CNOT1: variants seen among roughly 807,000 people sequenced by gnomAD.
CNOT1 encodes CCR4-associated factor 1.
In CNOT1, 15 loss-of-function variants were observed where a neutral mutation model predicts 273.8. That is an observed-to-expected ratio of 0.05 (90% CI 0.04 to 0.08). The LOEUF is 0.08. Among genes scored for constraint, CNOT1 ranks in the 10% least tolerant of loss-of-function variants. CNOT1 has a pLI of 1.00. For synonymous variants in CNOT1, 1,022 were observed against 1,005.5 expected (o/e 1.02, Z -0.31); for missense variants, 1,644 against 2,912.2 (o/e 0.56, Z 10.02).
In CNOT1 at chr16:58,558,468, C is replaced by A; in HGVS notation, c.2332+5G>T. ...AATCCATGCTCTCATTTGCCTCCCC[C>A]TTACCTGGAAGCTGTGATGAAAGTC... is the stretch of plus-strand genomic sequence containing the variant. On this transcript the variant is annotated splice_donor_5th_base_variant and intron_variant, in intron 18 of 48. Transcript: ENST00000317147. The A allele has an allele frequency of 6.2e-7, 1 of 1,613,830 alleles. No homozygotes were observed. Among genetic ancestry groups the A allele is most frequent in the Non-Finnish European group, 8.5e-7 (1 of 1,179,980 alleles).
chr16:58,568,521 T>G (rs577506438), intron 16 of CNOT1, among the ~76,000 whole-genome samples: 1 of 151,584 alleles, frequency 6.6e-6, no homozygotes, highest in South Asian at 2.1e-4. Context: ...CTGTCTCTAC[T>G]AAAAATACAA....
intron 29 of CNOT1, among the ~76,000 whole-genome samples, chr16:58,545,783 T>G (rs1597432412): frequency 6.6e-6 from 1 of 152,216 alleles, no homozygotes; most frequent in Non-Finnish European, 1.5e-5. Flanking sequence ...TTAGTCTATA[T>G]TATAAATGTA....
intron 16 of CNOT1, 23 bp downstream of exon 16, chr16:58,574,586 A>G (rs2041397825): frequency 6.5e-7 from 1 of 1,549,644 alleles, no homozygotes; most frequent in African/African-American, 1.4e-5. Flanking sequence ...AAAAAAAGTC[A>G]TATTCATGTA....
chr16:58,602,751 TA>T (rs1215853393), intron 1 of CNOT1, among the ~76,000 whole-genome samples: 3 of 151,300 alleles, frequency 2.0e-5, no homozygotes, highest in South Asian at 4.2e-4. Context: ...AATAAAATAA[TA>T]AAAAAAATTT....
At chr16:58,535,325 T>C (rs1240168501) in intron 39 of CNOT1, among the ~76,000 whole-genome samples, 1 of 152,220 alleles carries the variant, frequency 6.6e-6, no homozygotes, top group Non-Finnish European at 1.5e-5. Flanking sequence ...GCAAAGGGAC[T>C]TTTTGTCTAC....
At position 58,551,693 on chromosome 16, in the gene CNOT1, C is replaced by T; in HGVS notation, c.3097G>A (p.Ala1033Thr). The T allele has an allele frequency of 6.2e-7, 1 of 1,614,168 alleles. No individual in the cohort carries two copies. The highest frequency in any genetic ancestry group is 8.5e-7 in the Non-Finnish European group (1 of 1,180,024). The change falls in exon 23 of 49, where the codon GCT becomes ACT. Residue 1033 changes from alanine (A) to threonine (T), a missense_variant. Physicochemically the swap from Ala to Thr is moderately conservative, Grantham distance 58. Coordinates refer to ENST00000317147, the MANE Select transcript of CNOT1 (RefSeq NM_016284.5). ...GTTACCATAGTGCTAACTTGACCAG[C>T]AAGAGGAGCTTTTGCTGGAACCTGG... ...QAQVPAKAPLAGQVSTMVTTS... is the reference protein window; with the variant it reads ...QAQVPAKAPLTGQVSTMVTTS...
chr16:58,530,434 T>C, intron 42 of CNOT1, 87 bp from the exon 43 acceptor site: 3 of 841,422 alleles, frequency 3.6e-6, no homozygotes, highest in East Asian at 2.5e-5. Flanking sequence ...CACTGACTTA[T>C]CTTCTTCATG....
intron 1 of CNOT1, among the ~76,000 whole-genome samples, chr16:58,600,569 T>C (rs2042425228): frequency 6.6e-6 from 1 of 152,192 alleles, no homozygotes; most frequent in Non-Finnish European, 1.5e-5. Context: ...ATTCTTTATG[T>C]TACTGCTTCA....
At chr16:58,597,767 A>AT in intron 2 of CNOT1, 1 of 502,584 alleles carries the variant, frequency 2.0e-6, no homozygotes, top group South Asian at 1.5e-5. Context: ...GAAGGAGTCC[A>AT]GGGGCCCAAG....
rs28468502 is a variant in CNOT1 at position 58,526,301 on chromosome 16, G to C, written c.6454-163C>G. On this transcript the variant is annotated intron_variant, in intron 44 of 48. Coordinates refer to ENST00000317147, the MANE Select transcript of CNOT1 (RefSeq NM_016284.5). ...TTAATCAGTCTTTCTTTCTTTAGAA[G>C]AATCTTGGTTCAAAATGATAAAAAT... is the stretch of plus-strand genomic sequence containing the variant. Among the ~76,000 whole-genome samples the C allele has an allele frequency of 0.033, 4,997 of 152,054 alleles. 257 individuals carry two copies. Among genetic ancestry groups the C allele is most frequent in the African/African-American group, 0.11 (4,611 of 41,460 alleles).
chr16:58,525,937 G>GA lies in CNOT1; in HGVS notation c.6603+51dup, dbSNP rs532403577. ...TGGACCACACACAGGACCATACATA[G>GA]AAAGTGCTTTATATGGAAGACGTAG... On this transcript the variant is annotated intron_variant, in intron 45 of 48. Coordinates refer to ENST00000317147, the MANE Select transcript of CNOT1 (RefSeq NM_016284.5). 1.3e-3 allele frequency: 1,956 copies of GA among 1,525,580 alleles called. 4 individuals are homozygous for GA. The highest frequency in any genetic ancestry group is 1.5e-3 in the Non-Finnish European group (1,707 of 1,103,844). 94.5% of individuals were successfully genotyped at this position (1,525,580 alleles called of 1,614,324 possible). A position where few individuals can be genotyped will look rare whatever the true frequency, so the allele number is the denominator to read the frequency against.
At chr16:58,608,204 T>C (rs1239883118) in intron 1 of CNOT1, among the ~76,000 whole-genome samples, 5 of 151,076 alleles carry the variant, frequency 3.3e-5, no homozygotes, top group Non-Finnish European at 7.4e-5. Context: ...AAAGAACATT[T>C]TAAGAAAAAT....
intron 16 of CNOT1, among the ~76,000 whole-genome samples, chr16:58,573,102 T>C (rs966889959): frequency 4.0e-5 from 6 of 151,750 alleles, no homozygotes; most frequent in South Asian, 2.1e-4. Context: ...GGTCAGGAGT[T>C]TGAGACCGGC....
chr16:58,564,101 A>C (rs2040953323), intron 16 of CNOT1, among the ~76,000 whole-genome samples: 1 of 152,212 alleles, frequency 6.6e-6, no homozygotes, highest in Non-Finnish European at 1.5e-5. Context: ...AGCAAGTTGC[A>C]TATTATCTCT....
chr16:58,601,175 T>C (rs1311300502), intron 1 of CNOT1, among the ~76,000 whole-genome samples: 2 of 152,114 alleles, frequency 1.3e-5, no homozygotes, highest in African/African-American at 4.8e-5. Flanking sequence ...TGGCTGGTCT[T>C]GAACTCCTGA....
At chr16:58,583,698 A>G (rs894017051) in intron 8 of CNOT1, among the ~76,000 whole-genome samples, 14 of 151,906 alleles carry the variant, frequency 9.2e-5, no homozygotes, top group African/African-American at 1.9e-4. Flanking sequence ...ACCACCACGC[A>G]TGGCTAATTT....
intron 29 of CNOT1, among the ~76,000 whole-genome samples, 165 bp downstream of exon 29, chr16:58,546,156 C>CT (rs1295173692): frequency 7.9e-5 from 12 of 152,080 alleles, no homozygotes; most frequent in African/African-American, 2.9e-4. Flanking sequence ...AACACAAGGC[C>CT]TAGTCATTAC....
At chr16:58,562,486 A>G (rs1185067059) in intron 16 of CNOT1, among the ~76,000 whole-genome samples, 1 of 150,784 alleles carries the variant, frequency 6.6e-6, no homozygotes, top group Non-Finnish European at 1.5e-5. Context: ...TCTTAGAGAA[A>G]GAACAAGACC....
chr16:58,541,861 C>G (rs1226897808), intron 33 of CNOT1, among the ~76,000 whole-genome samples: 1 of 152,192 alleles, frequency 6.6e-6, no homozygotes, highest in East Asian at 1.9e-4. Context: ...TGGAAAATGC[C>G]TCACATGGGA....
Sources: gnomAD v4.1 joint callset for allele counts (sites outside exome capture counted in the v4.1 genomes callset) on GRCh38, gnomAD v4.1.1 for gene constraint, MANE v1.5 for transcripts, NCBI Gene and HGNC (gene_info 2026-07-23, HGNC 2026-07-21) for gene names.